The following RABGAP1L variants were observed in gnomAD, a reference collection of about 807,000 sequenced individuals.
RABGAP1L encodes RAB GTPase activating protein 1 like, also known as rab GTPase-activating protein 1-like.
In RABGAP1L, 63 loss-of-function variants were observed where a neutral mutation model predicts 137.7. The observed-to-expected ratio is 0.46, with a 90% CI of 0.37 to 0.56. RABGAP1L has a LOEUF of 0.56. Among genes scored for constraint, RABGAP1L ranks in the 20% least tolerant of loss-of-function variants. The pLI is 0.00. For missense variants in RABGAP1L, 1,095 were observed against 1,244.0 expected (o/e 0.88, Z 1.80); for synonymous variants, 431 against 433.7 (o/e 0.99, Z 0.08).
chr1:174,599,864 C>A (rs1469700681), intron 13 of RABGAP1L, among the ~76,000 whole-genome samples: 3 of 152,056 alleles, frequency 2.0e-5, no homozygotes, highest in African/African-American at 7.2e-5. Flanking sequence ...ATATTGATAT[C>A]TTTCTCTAGG....
intron 13 of RABGAP1L, among the ~76,000 whole-genome samples, chr1:174,571,611 CAGT>C (rs1667984545): frequency 6.6e-6 from 1 of 152,048 alleles, no homozygotes; most frequent in East Asian, 1.9e-4. Context: ...ATTTCATAAT[CAGT>C]GGTGTATGCA....
At chr1:174,289,476 A>G (rs1676377500) in intron 10 of RABGAP1L, among the ~76,000 whole-genome samples, 1 of 152,184 alleles carries the variant, frequency 6.6e-6, no homozygotes, top group African/African-American at 2.4e-5. Flanking sequence ...TTAGTTACAT[A>G]TCTTCATTTG....
intron 11 of RABGAP1L, among the ~76,000 whole-genome samples, chr1:174,327,980 CACACACATAT>C (rs1238159287): frequency 0.013 from 1,412 of 105,882 alleles, 39 homozygotes; most frequent in Middle Eastern, 0.053. Flanking sequence ...TATATATATA[CACACACATAT>C]ATATATATAT....
Position 174,219,154 on chromosome 1 carries a change from T to C in RABGAP1L, c.-4T>C, listed in dbSNP as rs1174976539. On this transcript the variant is annotated 5_prime_UTR_variant, in exon 2 of 26. Coordinates refer to ENST00000681986, the MANE Select transcript of RABGAP1L (RefSeq NM_001366446.1). Reference sequence around the variant, plus strand: ...TTGTGGGAAGAGAAGTTTGCAGAACTGAAATGGAGGTCAGAGCTTCATTAC... The same window carrying C: ...TTGTGGGAAGAGAAGTTTGCAGAACCGAAATGGAGGTCAGAGCTTCATTAC... The C allele has an allele frequency of 2.5e-6, 4 of 1,591,450 alleles. No homozygotes were observed. The South Asian group carries it at 4.7e-5, about 19-fold the overall frequency.
Position 174,562,386 on chromosome 1 carries a change from AAAG to A in RABGAP1L, c.1711-74988_1711-74986del, listed in dbSNP as rs754105779. On this transcript the variant is annotated intron_variant, in intron 13 of 25. Transcript: ENST00000681986. ...GCTGGAGAGGATGTAGAGAAACAGG[AAAG>A]CTTTTGCACTGTTGGTGGGGGTATA... Among the ~76,000 whole-genome samples, 109 of 152,322 alleles carry A rather than the reference AAAG, an allele frequency of 7.2e-4. 1 individual carries two copies. Among genetic ancestry groups the A allele is most frequent in the Admixed American group, 4.3e-3 (66 of 15,300 alleles).
At chr1:174,683,948 T>C (rs1325094093) in intron 15 of RABGAP1L, among the ~76,000 whole-genome samples, 3 of 152,212 alleles carry the variant, frequency 2.0e-5, no homozygotes, top group African/African-American at 7.2e-5. Context: ...TTCTGTGATG[T>C]ATTTTTATAT....
rs576277898 is a variant in RABGAP1L at position 174,652,875 on chromosome 1, A to T, written c.1824+15387A>T. On this transcript the variant is annotated intron_variant, in intron 14 of 25. Transcript: ENST00000681986. ...TACAGCCGGCAGGCAGGAGTGTTTA[A>T]GTCTGCTGAAGGTGTGCCCACAGCC... Among the ~76,000 whole-genome samples the T allele has an allele frequency of 2.6e-5, 4 of 152,302 alleles. No individual in the cohort carries two copies. The East Asian group carries it at 7.7e-4, about 29-fold the overall frequency.
intron 14 of RABGAP1L, among the ~76,000 whole-genome samples, chr1:174,642,071 A>T (rs952588440): frequency 6.6e-6 from 1 of 152,194 alleles, no homozygotes; most frequent in Non-Finnish European, 1.5e-5. Flanking sequence ...GTAAAATATT[A>T]TTCAGAACAA....
At chr1:174,896,884 G>A (rs1000802055) in intron 19 of RABGAP1L, 1 of 152,186 alleles carries the variant, frequency 6.6e-6, no homozygotes, top group Admixed American at 6.5e-5. Flanking sequence ...GATGCCTCCA[G>A]CTTTGTTCTT....
intron 19 of RABGAP1L, among the ~76,000 whole-genome samples, chr1:174,926,898 C>T (rs1662927362): frequency 6.6e-6 from 1 of 151,794 alleles, no homozygotes; most frequent in South Asian, 2.1e-4. Context: ...TATGGTGAAA[C>T]CCTGTCTCTA....
At position 174,828,672 on chromosome 1, in the gene RABGAP1L, G is replaced by A. The variant is rs1467014660; in HGVS notation, c.2340+16712G>A. The stretch of plus-strand genomic sequence containing the variant: ...AATTAATTAAATTAAACACATGTGT[G>A]AAGCATTGGCTAAATTAATTCCTTG... On this transcript the variant is annotated intron_variant, in intron 19 of 25. Coordinates refer to ENST00000681986, the MANE Select transcript of RABGAP1L (RefSeq NM_001366446.1). Among the ~76,000 whole-genome samples the A allele has an allele frequency of 2.0e-5, 3 of 148,514 alleles. 1 individual carries two copies. Among genetic ancestry groups the A allele is most frequent in the African/African-American group, 7.4e-5 (3 of 40,678 alleles).
intron 1 of RABGAP1L, among the ~76,000 whole-genome samples, chr1:174,184,056 A>T (rs1325587883): frequency 1.3e-5 from 2 of 150,694 alleles, no homozygotes; most frequent in Admixed American, 1.3e-4. Context: ...TTTAGTAGAG[A>T]CGGGGTTTCA....
At chr1:174,968,995 G>A (rs1326502875) in intron 20 of RABGAP1L, among the ~76,000 whole-genome samples, 6 of 152,076 alleles carry the variant, frequency 3.9e-5, no homozygotes, top group East Asian at 1.9e-4. Context: ...GGATTGGGGG[G>A]GATATGCTCA....
intron 19 of RABGAP1L, among the ~76,000 whole-genome samples, chr1:174,857,714 A>G (rs1309686889): frequency 6.6e-6 from 1 of 152,206 alleles, no homozygotes; most frequent in East Asian, 1.9e-4. Context: ...TATTAATAAT[A>G]TTGATAACAA....
intron 13 of RABGAP1L, among the ~76,000 whole-genome samples, chr1:174,430,290 T>A (rs1186212148): frequency 1.3e-5 from 2 of 151,794 alleles, no homozygotes; most frequent in African/African-American, 4.8e-5. Context: ...GGAGGATTGC[T>A]TGAGCCCGGA....
intron 11 of RABGAP1L, among the ~76,000 whole-genome samples, chr1:174,317,513 A>G (rs1311265440): frequency 6.6e-6 from 1 of 152,120 alleles, no homozygotes; most frequent in East Asian, 1.9e-4. Context: ...CTGGTATCCA[A>G]GATGTAAGAC....
At chr1:174,520,969 C>G (rs565683473) in intron 13 of RABGAP1L, among the ~76,000 whole-genome samples, 1 of 152,286 alleles carries the variant, frequency 6.6e-6, no homozygotes, top group South Asian at 2.1e-4. Context: ...CCACTGCACT[C>G]CAGCGTGGCG....
chr1:174,260,227 C>T (rs545237636), intron 7 of RABGAP1L, among the ~76,000 whole-genome samples: 13 of 152,126 alleles, frequency 8.5e-5, no homozygotes, highest in Non-Finnish European at 1.5e-4. Context: ...GGATTTAAAC[C>T]AGGGTCATCT....
intron 18 of RABGAP1L, among the ~76,000 whole-genome samples, chr1:174,777,029 A>G (rs1400976907): frequency 2.0e-5 from 3 of 152,232 alleles, no homozygotes; most frequent in Non-Finnish European, 4.4e-5. Context: ...GTGACATGAC[A>G]TAAAAAGGAT....
Sources: gnomAD v4.1 joint callset for allele counts (sites outside exome capture counted in the v4.1 genomes callset) on GRCh38, gnomAD v4.1.1 for gene constraint, MANE v1.5 for transcripts, NCBI Gene and HGNC (gene_info 2026-07-23, HGNC 2026-07-21) for gene names.